Variants in KLHL12 observed in about 807,000 individuals in gnomAD.
KLHL12 encodes the protein kelch like family member 12.
Under a neutral mutation model 60.8 loss-of-function variants are expected in KLHL12, and 17 were observed. That is an observed-to-expected ratio of 0.28 (90% confidence interval 0.19 to 0.42). The LOEUF (loss-of-function observed/expected upper bound fraction) is 0.42. KLHL12 is among the 10% of genes least tolerant of loss of function. The probability of loss-of-function intolerance (pLI) is 1.00; values close to 1 mark genes in which losing one functional copy is unlikely to be tolerated. For missense variants in KLHL12, 468 were observed against 722.3 expected, an observed-to-expected ratio of 0.65 and a Z score of 4.04; for synonymous variants, 220 against 250.9, an observed-to-expected ratio of 0.88 and a Z score of 1.16.
chr1:202,907,454 T>C (rs1010626246), intron 6 of KLHL12, among the ~76,000 whole-genome samples: 4 of 151,316 alleles, frequency 2.6e-5, no homozygotes, highest in Non-Finnish European at 5.9e-5. Flanking sequence ...ATACAAAAAT[T>C]AGCCAGGGAT....
intron 2 of KLHL12, among the ~76,000 whole-genome samples, chr1:202,921,184 T>A (rs1660687465): frequency 1.3e-5 from 2 of 151,162 alleles, no homozygotes; most frequent in South Asian, 4.2e-4. Context: ...CTAATTTTTT[T>A]TTTTTTTTTT....
intron 6 of KLHL12, among the ~76,000 whole-genome samples, chr1:202,907,207 T>C (rs1660221236): frequency 1.3e-5 from 2 of 152,204 alleles, no homozygotes; most frequent in South Asian, 4.1e-4. Context: ...AAATGCAGTA[T>C]CTTTGAGTGG....
At chr1:202,923,206 C>T (rs1204525588) in intron 2 of KLHL12, among the ~76,000 whole-genome samples, 2 of 152,132 alleles carry the variant, frequency 1.3e-5, no homozygotes, top group Non-Finnish European at 2.9e-5. Context: ...TTCCAAATAA[C>T]AAAAGAGTAA....
intron 4 of KLHL12, among the ~76,000 whole-genome samples, chr1:202,913,048 C>A (rs1206417219): frequency 6.7e-6 from 1 of 148,940 alleles, no homozygotes; most frequent in Non-Finnish European, 1.5e-5. Context: ...GATGGTGATG[C>A]TGAATAAATG....
In KLHL12 at chr1:202,927,229, G is replaced by C. The variant is rs1047754403; in HGVS notation, c.-186C>G. 1.0e-6 allele frequency: 1 copy of C among 985,082 alleles called. No individual in the cohort carries two copies. The highest frequency in any genetic ancestry group is 1.2e-6 in the Non-Finnish European group (1 of 829,884). The allele number at this position is 985,082 out of a possible 1,614,324, so 61.0% of individuals were successfully genotyped here. On this transcript the variant is annotated 5_prime_UTR_variant, in exon 1 of 12. Coordinates refer to ENST00000367261, the MANE Select transcript of KLHL12 (RefSeq NM_021633.4). Reference sequence around the variant, plus strand: ...GGCTCTGGAGGCTCTGGAGCCGTCCGGGTCTGGCCCCTGCGGCCGCGCGAC... The same window carrying C: ...GGCTCTGGAGGCTCTGGAGCCGTCCCGGTCTGGCCCCTGCGGCCGCGCGAC...
upstream of KLHL12, chr1:202,927,288 C>A: frequency 1.0e-6 from 1 of 985,150 alleles, no homozygotes; most frequent in South Asian, 4.7e-5. Flanking sequence ...CACCGCCCTC[C>A]CCCCGCTCCA....
At chr1:202,894,803 C>T in intron 8 of KLHL12, 54 bp from the exon 9 acceptor site, 1 of 1,454,458 alleles carries the variant, frequency 6.9e-7, no homozygotes, top group South Asian at 1.2e-5. Context: ...TTTCTAAGAA[C>T]TCTTTCCTCT....
Position 202,892,205 on chromosome 1 carries a change from A to G in KLHL12, c.*328T>C. ...TCACCTTAGTTCTTTGCAACATATGAGGCACAACATACATATAGTACACCA... is the reference window on the plus strand; with the variant it reads ...TCACCTTAGTTCTTTGCAACATATGGGGCACAACATACATATAGTACACCA... On this transcript the variant is annotated 3_prime_UTR_variant, in exon 12 of 12. Coordinates refer to ENST00000367261, the MANE Select transcript of KLHL12 (RefSeq NM_021633.4). 4.6e-6 allele frequency: 1 copy of G among 217,054 alleles called. No homozygotes were observed. Among genetic ancestry groups the G allele is most frequent in the Non-Finnish European group, 9.2e-6 (1 of 108,858 alleles). The allele number at this position is 217,054 out of a possible 1,614,324, so 13.4% of individuals were successfully genotyped here.
chr1:202,924,344 T>C (rs1415847284), intron 2 of KLHL12, among the ~76,000 whole-genome samples: 1 of 152,262 alleles, frequency 6.6e-6, no homozygotes, highest in African/African-American at 2.4e-5. Context: ...TCCTAAAATT[T>C]ACACTGATTT....
Position 202,894,754 on chromosome 1 carries a change from T to G in KLHL12, c.1136-5A>C. The G allele has an allele frequency of 6.2e-7, 1 of 1,611,942 alleles. No individual in the cohort carries two copies. The highest frequency in any genetic ancestry group is 2.2e-5 in the East Asian group (1 of 44,880). ...CTCCAGAGACATAGATCATATCTGC[T>G]CAGAATAAACAAATTACAGACTATT... On this transcript the variant is annotated splice_region_variant and splice_polypyrimidine_tract_variant and intron_variant, in intron 8 of 11. Coordinates refer to ENST00000367261, the MANE Select transcript of KLHL12 (RefSeq NM_021633.4).
Position 202,892,228 on chromosome 1 carries a change from C to T in KLHL12, c.*305G>A, listed in dbSNP as rs1659697017. 4 of 322,426 alleles carry T rather than the reference C, an allele frequency of 1.2e-5. No homozygotes were observed. Among genetic ancestry groups the T allele is most frequent in the Non-Finnish European group, 1.8e-5 (3 of 170,136 alleles). 20.0% of individuals were successfully genotyped at this position (322,426 alleles called of 1,614,324 possible). ...TGAGGCACAACATACATATAGTACA[C>T]CAAGCATGTGGTAAGTTAGAAATGA... is the stretch of plus-strand genomic sequence containing the variant. On this transcript the variant is annotated 3_prime_UTR_variant, in exon 12 of 12. Transcript: ENST00000367261.
At chr1:202,924,853 A>G in intron 2 of KLHL12, 115 bp downstream of exon 2, 5 of 1,290,140 alleles carry the variant, frequency 3.9e-6, no homozygotes, top group South Asian at 1.5e-5. Flanking sequence ...GAATCTGCCA[A>G]AACATCACAC....
chr1:202,911,237 C>T, intron 4 of KLHL12, 34 bp from the exon 5 acceptor site: 2 of 1,609,596 alleles, frequency 1.2e-6, no homozygotes, highest in Non-Finnish European at 1.7e-6. Flanking sequence ...GTGGATCCTA[C>T]TTTTCCAATT....
chr1:202,923,646 A>T (rs1653339669), intron 2 of KLHL12, among the ~76,000 whole-genome samples: 1 of 152,234 alleles, frequency 6.6e-6, no homozygotes, highest in African/African-American at 2.4e-5. Flanking sequence ...AGCACTTACA[A>T]GCCATGGGAC....
At position 202,893,368 on chromosome 1, in the gene KLHL12, G is replaced by A; in HGVS notation, c.1451C>T (p.Thr484Ile). The change falls in exon 11 of 12, where the codon ACA becomes ATA. Residue 484 changes from threonine (T) to isoleucine (I), a missense_variant. By Grantham distance (89) the Thr-to-Ile change is moderately conservative. This residue lies in a region of KLHL12 where 68 missense variants were observed against 119.8 expected (regional missense o/e 0.57). Coordinates refer to ENST00000367261, the MANE Select transcript of KLHL12 (RefSeq NM_021633.4). This position sits in a 1 kb window ranked among gnomAD's most constrained non-coding sequence, Gnocchi z 4.1. ...HIYVVGGFDG[T>I]AHLSSVEAYN... The stretch of plus-strand genomic sequence containing the variant: ...TGCTTCAACGGAAGAAAGGTGGGCT[G>A]TACCATCAAATCCCCCCACCACATA... 6.2e-7 allele frequency: 1 copy of A among 1,614,008 alleles called. No homozygotes were observed. The highest frequency in any genetic ancestry group is 8.5e-7 in the Non-Finnish European group (1 of 1,179,912).
Position 202,927,224 on chromosome 1 carries a change from C to T in KLHL12, c.-181G>A. On this transcript the variant is annotated 5_prime_UTR_variant, in exon 1 of 12. Coordinates refer to ENST00000367261, the MANE Select transcript of KLHL12 (RefSeq NM_021633.4). ...CCGGAGGCTCTGGAGGCTCTGGAGC[C>T]GTCCGGGTCTGGCCCCTGCGGCCGC... 3 of 985,204 alleles carry T rather than the reference C, an allele frequency of 3.0e-6. No individual in the cohort carries two copies. The highest frequency in any genetic ancestry group is 3.6e-6 in the Non-Finnish European group (3 of 829,868). The allele number at this position is 985,204 out of a possible 1,614,324, so 61.0% of individuals were successfully genotyped here.
In KLHL12 at chr1:202,917,193, C is replaced by T. The variant is rs926607446; in HGVS notation, c.567+978G>A. On this transcript the variant is annotated intron_variant, in intron 4 of 11. Coordinates refer to ENST00000367261, the MANE Select transcript of KLHL12 (RefSeq NM_021633.4). The stretch of plus-strand genomic sequence containing the variant: ...AATGCCTGCCTGGCACAGGTAGTAT[C>T]CCCCTGGTAGGTGAAGTATTATTCC... 3.2e-4 allele frequency among the ~76,000 whole-genome samples: 48 copies of T among 152,086 alleles called. 1 individual carries two copies. The highest frequency in any genetic ancestry group is 1.1e-3 in the African/African-American group (46 of 41,402).
intron 6 of KLHL12, among the ~76,000 whole-genome samples, chr1:202,900,741 G>A (rs1197679343): frequency 6.6e-6 from 1 of 152,110 alleles, no homozygotes; most frequent in Non-Finnish European, 1.5e-5. Context: ...GTACACACCT[G>A]TAGTCCCAGC....
Position 202,918,264 on chromosome 1 carries a change from G to C in KLHL12, c.474C>G (p.Ser158Arg). Reference protein sequence around the residue: ...VDLMQAAEVFSQKHFPEVVQH... With the variant: ...VDLMQAAEVFRQKHFPEVVQH... ...GTACCACTTCAGGAAAATGCTTCTG[G>C]CTAAAAACCTCAGCTGCTTGCATCA... The change falls in exon 4 of 12, where the codon AGC (serine) becomes AGG (arginine). Residue 158 changes from serine to arginine, a missense_variant. Transcript: ENST00000367261. 6.2e-7 allele frequency: 1 copy of C among 1,614,094 alleles called. No individual in the cohort carries two copies. Among genetic ancestry groups the C allele is most frequent in the Non-Finnish European group, 8.5e-7 (1 of 1,180,010 alleles).
Sources: allele counts gnomAD v4.1 joint callset (sites outside exome capture counted in the v4.1 genomes callset), GRCh38; gene constraint gnomAD v4.1.1; regional missense constraint gnomAD v4.1.1; non-coding constraint Gnocchi (gnomAD v3.1); transcripts MANE v1.5; gene names NCBI Gene and HGNC (gene_info 2026-07-23, HGNC 2026-07-21).